C15orf40: variants seen among roughly 807,000 people sequenced by gnomAD.
C15orf40 encodes UPF0235 protein C15orf40.
Under a neutral mutation model 13.9 loss-of-function variants are expected in C15orf40, and 9 were observed. That is an observed-to-expected ratio of 0.65 (90% CI 0.39 to 1.13). C15orf40 has a LOEUF of 1.13. Ranked by LOEUF, C15orf40 falls within the 50% of genes most tolerant of loss-of-function variation. The pLI is 0.01. For missense variants in C15orf40, 225 were observed against 188.5 expected, an observed-to-expected ratio of 1.19 and a Z score of -1.13; for synonymous variants, 95 against 69.2, an observed-to-expected ratio of 1.37 and a Z score of -1.85.
chr15:83,008,336 TG>T, intron 3 of C15orf40: 1 of 469,736 alleles, frequency 2.1e-6, no homozygotes, highest in East Asian at 4.5e-5. Flanking sequence ...CTGACCAACA[TG>T]GTGAAACTCC....
At position 83,002,723 on chromosome 15, in the gene C15orf40, C is replaced by G. The variant is rs1197054607; in HGVS notation, c.*2874G>C. 6.6e-6 allele frequency: 1 copy of G among 152,218 alleles called. No homozygotes were observed. The highest frequency in any genetic ancestry group is 1.5e-5 in the Non-Finnish European group (1 of 68,050). The allele number at this position is 152,218 out of a possible 1,614,324, so 9.4% of individuals were successfully genotyped here. ...TACGTGAATATGAAACCTGGTTGGCCTTTTGTCTACATGAAACAAGTGGGC... is the reference window on the plus strand; with the variant it reads ...TACGTGAATATGAAACCTGGTTGGCGTTTTGTCTACATGAAACAAGTGGGC... On this transcript the variant is annotated 3_prime_UTR_variant, in exon 4 of 4. Coordinates refer to ENST00000304177, the MANE Select transcript of C15orf40 (RefSeq NM_144597.3).
downstream of C15orf40, chr15:82,989,985 C>G (rs751514592): frequency 1.2e-6 from 2 of 1,603,226 alleles, no homozygotes; most frequent in Non-Finnish European, 1.7e-6. Context: ...AACAACTACC[C>G]GCAACACAGA....
downstream of C15orf40, chr15:82,990,197 CTT>C (rs1173143992): frequency 2.3e-5 from 9 of 389,722 alleles, no homozygotes; most frequent in African/African-American, 3.5e-4. Flanking sequence ...GAAGTTGAGA[CTT>C]TAAAAAAAAT....
rs1347828287 is a variant in C15orf40, at chr15:82,999,051, T to G, written c.*6546A>C. On this transcript the variant is annotated 3_prime_UTR_variant, in exon 4 of 4. Transcript: ENST00000304177. Reference sequence around the variant, plus strand: ...GGCGCGCGCCTGCAATCACAGGCACTGGGCAGGCTGAGGCAGGAGAATCAG... The same window carrying G: ...GGCGCGCGCCTGCAATCACAGGCACGGGGCAGGCTGAGGCAGGAGAATCAG... 6.8e-6 allele frequency: 1 copy of G among 147,126 alleles called. No homozygotes were observed. Among genetic ancestry groups the G allele is most frequent in the Non-Finnish European group, 1.4e-5 (1 of 69,526 alleles). 9.1% of individuals were successfully genotyped at this position (147,126 alleles called of 1,614,324 possible).
Position 83,009,750 on chromosome 15 carries a change from C to T in C15orf40, c.238+487G>A, listed in dbSNP as rs542963910. ...CCTGAAAGCCTCTAACTTAGTCCAA[C>T]GATCTCATCTGACAGATGAAAAAAC... On this transcript the variant is annotated intron_variant, in intron 2 of 3. Transcript: ENST00000304177. Among the ~76,000 whole-genome samples the T allele has an allele frequency of 4.6e-5, 7 of 152,292 alleles. No homozygotes were observed. The South Asian group carries it at 8.3e-4, about 18-fold the overall frequency.
At position 83,011,491 on chromosome 15, in the gene C15orf40, AC is replaced by A; in HGVS notation, c.111+5del. The A allele has an allele frequency of 1.2e-6, 2 of 1,601,082 alleles. No homozygotes were observed. The highest frequency in any genetic ancestry group is 1.7e-6 in the Non-Finnish European group (2 of 1,175,560). On this transcript the variant is annotated splice_donor_5th_base_variant and intron_variant, in intron 1 of 3. Transcript: ENST00000304177. ...CCCCTCTGCCGCCACGGGACCTGCT[AC>A]TGGCCTTGGTCGTCGCACCAGCCTT...
rs781398462 is a variant in C15orf40 at position 83,005,000 on chromosome 15, A to G, written c.*597T>C. 19 of 1,263,340 alleles carry G rather than the reference A, an allele frequency of 1.5e-5. No homozygotes were observed. Among genetic ancestry groups the G allele is most frequent in the Non-Finnish European group, 1.9e-5 (18 of 958,940 alleles). 78.3% of individuals were successfully genotyped at this position (1,263,340 alleles called of 1,614,324 possible). The stretch of plus-strand genomic sequence containing the variant: ...GGATATAGGAAATCAAAGGCCCCCC[A>G]ACAGAATGAAAGGTGTTAAATCAGG... On this transcript the variant is annotated 3_prime_UTR_variant, in exon 4 of 4. Coordinates refer to ENST00000304177, the MANE Select transcript of C15orf40 (RefSeq NM_144597.3).
At position 83,005,324 on chromosome 15, in the gene C15orf40, G is replaced by C. The variant is rs150955027; in HGVS notation, c.*273C>G. 24 of 948,410 alleles carry C rather than the reference G, an allele frequency of 2.5e-5. No homozygotes were observed. The highest frequency in any genetic ancestry group is 2.7e-5 in the Non-Finnish European group (21 of 782,676). The allele number at this position is 948,410 out of a possible 1,614,324, so 58.7% of individuals were successfully genotyped here. A position where few individuals can be genotyped will look rare whatever the true frequency, so the allele number is the denominator to read the frequency against. On this transcript the variant is annotated 3_prime_UTR_variant, in exon 4 of 4. Coordinates refer to ENST00000304177, the MANE Select transcript of C15orf40 (RefSeq NM_144597.3). ...GGGGGGAGAGAGTTTCACTCTTGTTGCCCAGGCTGGAGTGCAACGGCGCGA... is the reference window on the plus strand; with the variant it reads ...GGGGGGAGAGAGTTTCACTCTTGTTCCCCAGGCTGGAGTGCAACGGCGCGA...
Position 83,005,039 on chromosome 15 carries a change from T to A in C15orf40, c.*558A>T. On this transcript the variant is annotated 3_prime_UTR_variant, in exon 4 of 4. Coordinates refer to ENST00000304177, the MANE Select transcript of C15orf40 (RefSeq NM_144597.3). ...TGTTAAATCAGGTCATCTTGAATAT[T>A]CTTCCCAGCTCTGTTATTTTACAAC... 8.2e-7 allele frequency: 1 copy of A among 1,219,262 alleles called. No individual in the cohort carries two copies. The highest frequency in any genetic ancestry group is 1.1e-6 in the Non-Finnish European group (1 of 939,148). 75.5% of individuals were successfully genotyped at this position (1,219,262 alleles called of 1,614,324 possible). A position where few individuals can be genotyped will look rare whatever the true frequency, so the allele number is the denominator to read the frequency against.
intron 1 of C15orf40, 147 bp downstream of exon 1, chr15:83,011,350 G>T: frequency 1.2e-6 from 1 of 850,414 alleles, no homozygotes; most frequent in Non-Finnish European, 1.7e-6. Context: ...AGCTCTGGGG[G>T]TGGCGGCGGC....
downstream of C15orf40, among the ~76,000 whole-genome samples, chr15:82,992,870 C>T (rs976664170): frequency 1.3e-5 from 2 of 152,100 alleles, no homozygotes; most frequent in African/African-American, 4.8e-5. Context: ...TTTTTAACAG[C>T]AGTTACTATC....
chr15:83,008,829 T>G (rs951149069), intron 2 of C15orf40, among the ~76,000 whole-genome samples, 154 bp from the exon 3 acceptor site: 1 of 152,184 alleles, frequency 6.6e-6, no homozygotes, highest in African/African-American at 2.4e-5. Flanking sequence ...CTAATCACAT[T>G]TAAGGAACAT....
rs1483887977 is a variant in C15orf40, at chr15:83,003,488, CA to C, written c.*2108del. 1 of 152,048 alleles carries C rather than the reference CA, an allele frequency of 6.6e-6. No individual in the cohort carries two copies. Among genetic ancestry groups the C allele is most frequent in the East Asian group, 1.9e-4 (1 of 5,182 alleles). 9.4% of individuals were successfully genotyped at this position (152,048 alleles called of 1,614,324 possible). On this transcript the variant is annotated 3_prime_UTR_variant, in exon 4 of 4. Transcript: ENST00000304177. Reference sequence around the variant, plus strand: ...TTCTAACAGTGATCCATGTAAAATCCACAAGTAAAACGGCTTTACAGCACAC... The same window carrying C: ...TTCTAACAGTGATCCATGTAAAATCCCAAGTAAAACGGCTTTACAGCACAC...
At chr15:82,990,785 T>G (rs530283938), downstream of C15orf40, 18 of 717,728 alleles carry the variant, frequency 2.5e-5, no homozygotes, top group African/African-American at 2.8e-4. Flanking sequence ...AATTCACACA[T>G]AAGAAAGTTT....
intron 1 of C15orf40, chr15:83,010,705 A>G (rs1324608815): frequency 5.0e-6 from 1 of 200,110 alleles, no homozygotes; most frequent in Non-Finnish European, 1.0e-5. Context: ...ATGCAGTCGG[A>G]GCTAATAAAT....
At position 82,996,964 on chromosome 15, in the gene C15orf40, G is replaced by A. The variant is rs1160217330; in HGVS notation, c.*8633C>T. ...ACCTGGGAGGCGGAGGTTGCAGTGA[G>A]CCAAGATTGAACCACTGCACTCCAG... On this transcript the variant is annotated 3_prime_UTR_variant, in exon 4 of 4. Coordinates refer to ENST00000304177, the MANE Select transcript of C15orf40 (RefSeq NM_144597.3). The A allele has an allele frequency of 6.7e-6, 1 of 150,272 alleles. No homozygotes were observed. Among genetic ancestry groups the A allele is most frequent in the Non-Finnish European group, 1.5e-5 (1 of 67,762 alleles). The allele number at this position is 150,272 out of a possible 1,614,324, so 9.3% of individuals were successfully genotyped here.
downstream of C15orf40, among the ~76,000 whole-genome samples, chr15:82,991,729 G>C (rs536861381): frequency 5.3e-5 from 8 of 152,234 alleles, no homozygotes; most frequent in Non-Finnish European, 1.0e-4. Flanking sequence ...GACCTAATAA[G>C]TCGGGCAGTC....
At chr15:83,010,439 C>A (rs556223239) in intron 1 of C15orf40, 76 bp from the exon 2 acceptor site, 22 of 1,549,872 alleles carry the variant, frequency 1.4e-5, no homozygotes, top group African/African-American at 1.4e-5. Context: ...TCCACTACCC[C>A]CTTTCACCCT....
chr15:83,006,660 G>A (rs559018601), intron 3 of C15orf40, among the ~76,000 whole-genome samples: 43 of 152,218 alleles, frequency 2.8e-4, no homozygotes, highest in African/African-American at 1.0e-3. Context: ...GCTGAAGCAG[G>A]AGAATCACTT....
Sources: allele counts gnomAD v4.1 joint callset (sites outside exome capture counted in the v4.1 genomes callset), GRCh38; gene constraint gnomAD v4.1.1; transcripts MANE v1.5; gene names NCBI Gene and HGNC (gene_info 2026-07-23, HGNC 2026-07-21).